Variants in KCNIP3 observed in about 807,000 individuals in gnomAD.
KCNIP3 encodes the protein potassium voltage-gated channel interacting protein 3, also known as calsenilin.
In KCNIP3, 28 loss-of-function variants were observed where a neutral mutation model predicts 35.0. The observed-to-expected ratio is 0.80, with a 90% CI of 0.59 to 1.10. The LOEUF (loss-of-function observed/expected upper bound fraction) is 1.10, where lower values mean the gene tolerates loss of function less well. Ranked by LOEUF, KCNIP3 falls within the 50% of genes least tolerant of loss-of-function variation. KCNIP3 has a pLI of 0.00. For synonymous variants in KCNIP3, 134 were observed against 133.8 expected, an observed-to-expected ratio of 1.00 and a Z score of -0.01; for missense variants, 295 against 338.4, an observed-to-expected ratio of 0.87 and a Z score of 1.01.
chr2:95,344,535 G>T (rs569762543), intron 2 of KCNIP3, among the ~76,000 whole-genome samples: 1 of 152,210 alleles, frequency 6.6e-6, no homozygotes, highest in Non-Finnish European at 1.5e-5. Context: ...CTTGTTTATA[G>T]CTCAGGGTTT....
chr2:95,315,104 T>A (rs1400448227), intron 2 of KCNIP3, among the ~76,000 whole-genome samples: 2 of 151,928 alleles, frequency 1.3e-5, no homozygotes, highest in Admixed American at 6.5e-5. Flanking sequence ...TTGCTTGGGA[T>A]CTATGGCGTG....
At chr2:95,300,020 G>A (rs1186539530) in intron 1 of KCNIP3, among the ~76,000 whole-genome samples, 2 of 152,248 alleles carry the variant, frequency 1.3e-5, no homozygotes, top group African/African-American at 2.4e-5. Context: ...AAGAGTTGTG[G>A]CTGAGATTTG....
At chr2:95,319,468 G>A (rs1343387873) in intron 2 of KCNIP3, among the ~76,000 whole-genome samples, 2 of 152,234 alleles carry the variant, frequency 1.3e-5, no homozygotes, top group Non-Finnish European at 2.9e-5. Context: ...CCGCTTCTCT[G>A]TGAGGTGAGA....
intron 2 of KCNIP3, among the ~76,000 whole-genome samples, chr2:95,323,444 C>A (rs1261640300): frequency 6.6e-6 from 1 of 152,172 alleles, no homozygotes; most frequent in Non-Finnish European, 1.5e-5. Flanking sequence ...GTGCTCTGGG[C>A]TCCGTGGCAC....
At chr2:95,371,322 C>T (rs913546981) in intron 2 of KCNIP3, among the ~76,000 whole-genome samples, 3 of 152,184 alleles carry the variant, frequency 2.0e-5, no homozygotes, top group Non-Finnish European at 2.9e-5. Context: ...AAAATGTGAT[C>T]ACCTTGCAGT....
intron 2 of KCNIP3, among the ~76,000 whole-genome samples, chr2:95,343,261 G>T (rs1444469856): frequency 6.6e-6 from 1 of 152,190 alleles, no homozygotes; most frequent in Non-Finnish European, 1.5e-5. Context: ...GAAGTGGCAG[G>T]TTGGGAGAGG....
chr2:95,349,116 G>A (rs920643628), intron 2 of KCNIP3, among the ~76,000 whole-genome samples: 1 of 152,178 alleles, frequency 6.6e-6, no homozygotes. Context: ...CAGAGGGAGG[G>A]CGTCGTGAGT....
At chr2:95,374,488 C>G in intron 3 of KCNIP3, 68 bp downstream of exon 3, 1 of 1,567,264 alleles carries the variant, frequency 6.4e-7, no homozygotes, top group South Asian at 1.2e-5. Flanking sequence ...GGAAACTTCT[C>G]CATGCCACAG....
intron 2 of KCNIP3, among the ~76,000 whole-genome samples, chr2:95,349,102 C>G (rs1379382968): frequency 6.6e-6 from 1 of 152,176 alleles, no homozygotes; most frequent in African/African-American, 2.4e-5. Context: ...CCCCCGCCCC[C>G]CGTCAGAGGG....
intron 2 of KCNIP3, among the ~76,000 whole-genome samples, chr2:95,335,496 T>C (rs1285697185): frequency 6.6e-6 from 1 of 152,228 alleles, no homozygotes; most frequent in Non-Finnish European, 1.5e-5. Flanking sequence ...TGTCTGTTTT[T>C]CTTCTGGATG....
At chr2:95,321,891 G>T (rs373406189) in intron 2 of KCNIP3, among the ~76,000 whole-genome samples, 3 of 152,138 alleles carry the variant, frequency 2.0e-5, no homozygotes, top group South Asian at 2.1e-4. Context: ...CCGAGAGTCA[G>T]ATCCCCTGAC....
intron 2 of KCNIP3, chr2:95,355,323 A>G (rs1350468057): frequency 1.3e-5 from 2 of 152,208 alleles, no homozygotes; most frequent in African/African-American, 4.8e-5. Flanking sequence ...TCTGGCATGG[A>G]GGAGGCGCTT....
intron 2 of KCNIP3, among the ~76,000 whole-genome samples, chr2:95,373,697 T>C (rs1045453777): frequency 6.6e-6 from 1 of 152,134 alleles, no homozygotes; most frequent in African/African-American, 2.4e-5. Context: ...GGATTACAGG[T>C]GTGAGTCACC....
intron 2 of KCNIP3, among the ~76,000 whole-genome samples, chr2:95,341,218 T>C (rs1679186446): frequency 1.3e-5 from 2 of 152,186 alleles, no homozygotes; most frequent in African/African-American, 4.8e-5. Flanking sequence ...TTGTGAGACC[T>C]GGGTGTTAAA....
At chr2:95,300,153 G>T (rs532511821) in intron 1 of KCNIP3, among the ~76,000 whole-genome samples, 96 of 152,320 alleles carry the variant, frequency 6.3e-4, no homozygotes, top group African/African-American at 2.2e-3. Flanking sequence ...CATCCCAGCC[G>T]TGCGGCCGGT....
chr2:95,300,602 G>A (rs1678000755), intron 1 of KCNIP3, among the ~76,000 whole-genome samples: 1 of 152,128 alleles, frequency 6.6e-6, no homozygotes, highest in Non-Finnish European at 1.5e-5. Flanking sequence ...CATGGGGCGA[G>A]TCCCGTGCTG....
chr2:95,335,889 T>C (rs1245055575), intron 2 of KCNIP3, among the ~76,000 whole-genome samples: 2 of 152,232 alleles, frequency 1.3e-5, no homozygotes, highest in African/African-American at 4.8e-5. Flanking sequence ...CCATTCATTT[T>C]TAGTCCATTC....
At chr2:95,344,840 G>A (rs1404795669) in intron 2 of KCNIP3, among the ~76,000 whole-genome samples, 1 of 152,222 alleles carries the variant, frequency 6.6e-6, no homozygotes, top group Non-Finnish European at 1.5e-5. Flanking sequence ...TATGGATGAG[G>A]AAACTGAGGC....
intron 2 of KCNIP3, among the ~76,000 whole-genome samples, chr2:95,340,466 C>A (rs1295899198): frequency 6.6e-6 from 1 of 152,236 alleles, no homozygotes; most frequent in African/African-American, 2.4e-5. Context: ...GCAGTCCCTG[C>A]TAGATGGTCA....
Sources: allele counts gnomAD v4.1 joint callset (sites outside exome capture counted in the v4.1 genomes callset), GRCh38; gene constraint gnomAD v4.1.1; transcripts MANE v1.5; gene names NCBI Gene and HGNC (gene_info 2026-07-23, HGNC 2026-07-21).